Variants in USP46 observed in about 807,000 individuals in gnomAD.
The protein encoded by USP46 is ubiquitin specific peptidase 46, also known as ubiquitin carboxyl-terminal hydrolase 46.
In USP46, 12 loss-of-function variants were observed where a neutral mutation model predicts 44.4. That is an observed-to-expected ratio of 0.27 (90% CI 0.17 to 0.44). The LOEUF (loss-of-function observed/expected upper bound fraction) is 0.44, where lower values mean the gene tolerates loss of function less well. USP46 is among the 20% of genes least tolerant of loss of function. The pLI is 1.00. For missense variants in USP46, 248 were observed against 444.8 expected, an observed-to-expected ratio of 0.56 and a Z score of 3.98; for synonymous variants, 155 against 161.5, an observed-to-expected ratio of 0.96 and a Z score of 0.31.
intron 6 of USP46, among the ~76,000 whole-genome samples, 200 bp downstream of exon 6, chr4:52,604,301 C>T (rs532397821): frequency 7.2e-5 from 11 of 152,304 alleles, no homozygotes; most frequent in African/African-American, 2.4e-4. Flanking sequence ...AACAATCGGA[C>T]AGACAACTCT....
chr4:52,639,860 G>GTTTTT (rs34078992), intron 1 of USP46, among the ~76,000 whole-genome samples: 4 of 116,608 alleles, frequency 3.4e-5, no homozygotes, highest in Non-Finnish European at 5.3e-5. Flanking sequence ...CCATGCCTGG[G>GTTTTT]TTTTTTTTTT....
intron 4 of USP46, among the ~76,000 whole-genome samples, chr4:52,620,386 C>T (rs1717333574): frequency 6.6e-6 from 1 of 152,178 alleles, no homozygotes; most frequent in African/African-American, 2.4e-5. Context: ...ATATCATAAA[C>T]TCATGAAGTA....
intron 1 of USP46, among the ~76,000 whole-genome samples, chr4:52,647,628 A>C (rs1718595574): frequency 6.6e-6 from 1 of 152,244 alleles, no homozygotes; most frequent in Non-Finnish European, 1.5e-5. Flanking sequence ...TTGACTAGTG[A>C]CAACAAAAGC....
Position 52,592,976 on chromosome 4 carries a change from C to G in USP46, c.*4664G>C. 1 of 398,614 alleles carries G rather than the reference C, an allele frequency of 2.5e-6. No homozygotes were observed. Among genetic ancestry groups the G allele is most frequent in the Non-Finnish European group, 4.4e-6 (1 of 226,092 alleles). 24.7% of individuals were successfully genotyped at this position (398,614 alleles called of 1,614,324 possible). A position where few individuals can be genotyped will look rare whatever the true frequency, so the allele number is the denominator to read the frequency against. ...CCTGAGGCCTCCCCCAGAACAGAAGCCTGTACAGCCCATAAAACCATGAGC... is the reference window on the plus strand; with the variant it reads ...CCTGAGGCCTCCCCCAGAACAGAAGGCTGTACAGCCCATAAAACCATGAGC... On this transcript the variant is annotated 3_prime_UTR_variant, in exon 9 of 9. Coordinates refer to ENST00000441222, the MANE Select transcript of USP46 (RefSeq NM_022832.4).
intron 4 of USP46, among the ~76,000 whole-genome samples, chr4:52,614,731 C>T: frequency 6.6e-6 from 1 of 152,092 alleles, no homozygotes; most frequent in East Asian, 1.9e-4. Context: ...TGTGCAAATA[C>T]AAAATACTTT....
intron 1 of USP46, among the ~76,000 whole-genome samples, chr4:52,649,304 T>G (rs577500669): frequency 1.3e-5 from 2 of 152,326 alleles, no homozygotes; most frequent in East Asian, 3.9e-4. Flanking sequence ...GAAGGCATCA[T>G]AGCTCACACA....
chr4:52,652,840 G>A (rs113835316), intron 1 of USP46, among the ~76,000 whole-genome samples: 97 of 152,244 alleles, frequency 6.4e-4, no homozygotes, highest in African/African-American at 2.1e-3. Flanking sequence ...TTTCTTCACT[G>A]GGTGGGGAGT....
In USP46 at chr4:52,604,561, A is replaced by T; in HGVS notation, c.662T>A (p.Leu221Gln). 1 of 1,607,376 alleles carries T rather than the reference A, an allele frequency of 6.2e-7. No individual in the cohort carries two copies. The highest frequency in any genetic ancestry group is 8.5e-7 in the Non-Finnish European group (1 of 1,177,826). ...CLRDFSNTET[L>Q]CSEQKYYCET... is the part of the protein sequence containing the mutation. ...ACAATAATATTTTTGTTCACTACAC[A>T]GTGTTTCTGTGTTGCTGAAGTCTCT... The change falls in exon 6 of 9, where the codon CTG (leucine) becomes CAG (glutamine). Residue 221 changes from leucine (L) to glutamine (Q), a missense_variant. Coordinates refer to ENST00000441222, the MANE Select transcript of USP46 (RefSeq NM_022832.4).
chr4:52,650,874 G>A (rs7665566), intron 1 of USP46: 20,093 of 151,952 alleles, frequency 0.13, 1,371 homozygotes, highest in African/African-American at 0.18. Flanking sequence ...CAAGGTGGGC[G>A]GATCACGAGG....
At chr4:52,646,523 A>G (rs1326322080) in intron 1 of USP46, among the ~76,000 whole-genome samples, 1 of 152,232 alleles carries the variant, frequency 6.6e-6, no homozygotes, top group African/African-American at 2.4e-5. Flanking sequence ...AAACATGGAG[A>G]TAAAATGAAT....
At chr4:52,646,086 T>A (rs990050800) in intron 1 of USP46, among the ~76,000 whole-genome samples, 14 of 152,224 alleles carry the variant, frequency 9.2e-5, no homozygotes, top group Admixed American at 9.2e-4. Flanking sequence ...GGTAGTTCTT[T>A]ATAGCACTGT....
chr4:52,634,088 C>T (rs1395792924), intron 1 of USP46, among the ~76,000 whole-genome samples: 3 of 152,066 alleles, frequency 2.0e-5, no homozygotes, highest in Non-Finnish European at 4.4e-5. Context: ...ACACCCTTAC[C>T]CTCTTGTAAA....
At chr4:52,598,565 A>C (rs1716334517) in intron 8 of USP46, 63 bp downstream of exon 8, 4 of 1,478,502 alleles carry the variant, frequency 2.7e-6, no homozygotes, top group Non-Finnish European at 3.7e-6. Flanking sequence ...ATGTCTATAC[A>C]TACACATTCT....
chr4:52,652,475 A>G (rs1017523029), intron 1 of USP46, among the ~76,000 whole-genome samples: 1 of 152,150 alleles, frequency 6.6e-6, no homozygotes, highest in African/African-American at 2.4e-5. Context: ...AAAACAGCAC[A>G]CTCACAAATT....
intron 5 of USP46, 89 bp from the exon 6 acceptor site, chr4:52,604,673 AT>A (rs34014262): frequency 1.2e-6 from 1 of 823,860 alleles, no homozygotes; most frequent in Non-Finnish European, 1.8e-6. Flanking sequence ...CTGTAGGGTA[AT>A]TTTTAAGTAA....
In USP46 at chr4:52,608,934, G is replaced by A. The variant is rs573405196; in HGVS notation, c.638+1607C>T. 6.6e-5 allele frequency among the ~76,000 whole-genome samples: 10 copies of A among 152,216 alleles called. No individual in the cohort carries two copies. The East Asian group carries it at 1.5e-3, about 24-fold the overall frequency. The stretch of plus-strand genomic sequence containing the variant: ...AGGAGTCATGGGGAGGGTCTAAGGC[G>A]CTCAAGTGGAAGACAAAAATAACCA... On this transcript the variant is annotated intron_variant, in intron 5 of 8. Transcript: ENST00000441222.
At chr4:52,610,660 T>C in intron 4 of USP46, 43 bp from the exon 5 acceptor site, 3 of 1,584,760 alleles carry the variant, frequency 1.9e-6, no homozygotes, top group Non-Finnish European at 1.7e-6. Flanking sequence ...ATGAAATATG[T>C]AGTAGATAAA....
intron 2 of USP46, among the ~76,000 whole-genome samples, chr4:52,629,946 T>C (rs1054307287): frequency 6.6e-6 from 1 of 152,184 alleles, no homozygotes; most frequent in African/African-American, 2.4e-5. Context: ...CTTCCTATTA[T>C]ATCATGGGCA....
At chr4:52,612,334 C>T (rs1485398638) in intron 4 of USP46, among the ~76,000 whole-genome samples, 2 of 152,026 alleles carry the variant, frequency 1.3e-5, no homozygotes, top group African/African-American at 4.8e-5. Flanking sequence ...TTTTTAATGA[C>T]GTTTATTTCT....
Sources: allele counts gnomAD v4.1 joint callset (sites outside exome capture counted in the v4.1 genomes callset), GRCh38; gene constraint gnomAD v4.1.1; transcripts MANE v1.5; gene names NCBI Gene and HGNC (gene_info 2026-07-23, HGNC 2026-07-21).